The following SPIDR variants were observed in gnomAD, a reference collection of about 807,000 sequenced individuals.
SPIDR encodes the protein scaffold protein involved in DNA repair, also known as DNA repair-scaffolding protein.
A neutral mutation model predicts 104.6 loss-of-function variants in SPIDR; 93 were observed. That is an observed-to-expected ratio of 0.89 (90% confidence interval 0.75 to 1.06). SPIDR has a LOEUF of 1.06. SPIDR is among the 50% of genes least tolerant of loss of function. The pLI, the probability that SPIDR is intolerant of heterozygous loss-of-function variation, is 0.00. For missense variants in SPIDR, 1,154 were observed against 1,111.2 expected (o/e 1.04, Z -0.55); for synonymous variants, 431 against 416.9 (o/e 1.03, Z -0.41).
chr8:47,554,659 C>T (rs1050347898), intron 8 of SPIDR, among the ~76,000 whole-genome samples: 3 of 152,176 alleles, frequency 2.0e-5, no homozygotes, highest in African/African-American at 7.2e-5. Context: ...TCACGGCTTC[C>T]CTTCCTAGGA....
chr8:47,582,566 G>T (rs144156735), intron 8 of SPIDR, among the ~76,000 whole-genome samples: 2 of 152,142 alleles, frequency 1.3e-5, no homozygotes, highest in African/African-American at 2.4e-5. Flanking sequence ...TGAGTTCCAC[G>T]TATATAACAT....
chr8:47,417,589 T>C (rs2064587914), intron 7 of SPIDR, among the ~76,000 whole-genome samples: 1 of 152,224 alleles, frequency 6.6e-6, no homozygotes, highest in Admixed American at 6.5e-5. Context: ...TTCACTCTGA[T>C]GGTAGTTTCT....
At chr8:47,378,619 CTG>C (rs1236850274) in intron 5 of SPIDR, among the ~76,000 whole-genome samples, 1 of 152,192 alleles carries the variant, frequency 6.6e-6, no homozygotes, top group Non-Finnish European at 1.5e-5. Context: ...ACTTGTGTGA[CTG>C]TGAACAACTG....
chr8:47,561,001 T>C (rs1239852535), intron 8 of SPIDR, among the ~76,000 whole-genome samples: 1 of 152,200 alleles, frequency 6.6e-6, no homozygotes, highest in African/African-American at 2.4e-5. Context: ...CATTCCAGTT[T>C]GCCAGGTTGT....
At position 47,735,451 on chromosome 8, in the gene SPIDR, C is replaced by A. The variant is rs369178664; in HGVS notation, c.*1C>A. On this transcript the variant is annotated 3_prime_UTR_variant, in exon 20 of 20. Coordinates refer to ENST00000297423, the MANE Select transcript of SPIDR (RefSeq NM_001080394.4). Reference sequence around the variant, plus strand: ...AGGAGGGGCCTCTGCAGAACACTAGCGGTTGCCGCAGGATCTGTGAACTTT... The same window carrying A: ...AGGAGGGGCCTCTGCAGAACACTAGAGGTTGCCGCAGGATCTGTGAACTTT... The A allele has an allele frequency of 3.1e-6, 5 of 1,613,880 alleles. No homozygotes were observed. The highest frequency in any genetic ancestry group is 2.5e-6 in the Non-Finnish European group (3 of 1,180,040).
intron 8 of SPIDR, among the ~76,000 whole-genome samples, chr8:47,545,083 C>G (rs2089020802): frequency 2.5e-5 from 1 of 39,222 alleles, no homozygotes; most frequent in Non-Finnish European, 8.2e-5. Flanking sequence ...TTCTTTCTTT[C>G]TTTCTTTCTT....
At chr8:47,304,320 C>G (rs1554580251) in intron 5 of SPIDR, among the ~76,000 whole-genome samples, 12 of 151,978 alleles carry the variant, frequency 7.9e-5, no homozygotes, top group Admixed American at 1.3e-4. Flanking sequence ...CACCAAAACC[C>G]TTGGTACTGT....
intron 14 of SPIDR, among the ~76,000 whole-genome samples, chr8:47,712,001 TG>T (rs1278890765): frequency 6.6e-6 from 1 of 152,172 alleles, no homozygotes; most frequent in East Asian, 1.9e-4. Flanking sequence ...AACCTCCAAC[TG>T]GCCACATCCT....
chr8:47,714,618 C>T (rs917155742), intron 16 of SPIDR, among the ~76,000 whole-genome samples: 10 of 152,168 alleles, frequency 6.6e-5, no homozygotes, highest in African/African-American at 1.4e-4. Context: ...CCTGTGCTGG[C>T]GCATCCAGGA....
intron 14 of SPIDR, among the ~76,000 whole-genome samples, chr8:47,702,353 G>A (rs980527748): frequency 2.0e-5 from 3 of 152,142 alleles, no homozygotes; most frequent in African/African-American, 7.2e-5. Context: ...GCCCAGTAAT[G>A]TTCATTCTTT....
chr8:47,361,718 G>T (rs1288128792), intron 5 of SPIDR, among the ~76,000 whole-genome samples: 1 of 152,206 alleles, frequency 6.6e-6, no homozygotes, highest in Non-Finnish European at 1.5e-5. Flanking sequence ...AGAGGGCCAT[G>T]CTGAGCAGCA....
chr8:47,680,168 T>C lies in SPIDR; in HGVS notation c.1685+6227T>C, dbSNP rs553753996. On this transcript the variant is annotated intron_variant, in intron 11 of 19. Transcript: ENST00000297423. ...ACATGGGCATGTGGTGAAAGCACTT[T>C]ATCACGGATGGCAAGAGTGTGAGTG... is the stretch of plus-strand genomic sequence containing the variant. 3.3e-5 allele frequency among the ~76,000 whole-genome samples: 5 copies of C among 152,370 alleles called. 1 individual carries two copies. Among genetic ancestry groups the C allele is most frequent in the South Asian group, 4.1e-4 (2 of 4,826 alleles).
chr8:47,324,331 C>T (rs1163843345), intron 5 of SPIDR, among the ~76,000 whole-genome samples: 1 of 151,874 alleles, frequency 6.6e-6, no homozygotes, highest in Non-Finnish European at 1.5e-5. Context: ...ATCCCCCATC[C>T]CCCATCCCCC....
At chr8:47,590,788 G>A (rs531903107) in intron 8 of SPIDR, among the ~76,000 whole-genome samples, 5 of 152,130 alleles carry the variant, frequency 3.3e-5, no homozygotes, top group Non-Finnish European at 2.9e-5. Flanking sequence ...TATTCTTTGA[G>A]TTTTATCAGT....
intron 5 of SPIDR, among the ~76,000 whole-genome samples, chr8:47,376,852 G>A (rs2058717763): frequency 6.6e-6 from 1 of 152,064 alleles, no homozygotes; most frequent in Non-Finnish European, 1.5e-5. Context: ...AAGTGCATTT[G>A]TTCTGGATTG....
At chr8:47,658,062 GA>G (rs905926459) in intron 10 of SPIDR, among the ~76,000 whole-genome samples, 7 of 141,118 alleles carry the variant, frequency 5.0e-5, no homozygotes, top group East Asian at 2.2e-4. Flanking sequence ...AAAAGAAAAA[GA>G]AAAAAAAAGG....
chr8:47,591,543 C>CT (rs1209005422), intron 8 of SPIDR, among the ~76,000 whole-genome samples: 1 of 151,758 alleles, frequency 6.6e-6, no homozygotes, highest in African/African-American at 2.4e-5. Flanking sequence ...TGGTCACAAG[C>CT]TTTTTTTGAA....
intron 5 of SPIDR, among the ~76,000 whole-genome samples, chr8:47,382,068 A>G (rs1184052365): frequency 6.6e-6 from 1 of 152,252 alleles, no homozygotes; most frequent in Non-Finnish European, 1.5e-5. Flanking sequence ...TCTGAACATT[A>G]AAGAATGGTG....
intron 8 of SPIDR, among the ~76,000 whole-genome samples, chr8:47,572,590 A>G (rs2058650651): frequency 6.6e-6 from 1 of 151,974 alleles, no homozygotes; most frequent in African/African-American, 2.4e-5. Flanking sequence ...TGAACCCAGG[A>G]GGTGGAGGTT....
Sources: allele counts gnomAD v4.1 joint callset (sites outside exome capture counted in the v4.1 genomes callset), GRCh38; gene constraint gnomAD v4.1.1; transcripts MANE v1.5; gene names NCBI Gene and HGNC (gene_info 2026-07-23, HGNC 2026-07-21).